Variants in CTSB observed in about 807,000 individuals in gnomAD.
CTSB encodes cathepsin B, also known as APP secretase.
CTSB carries 57 observed loss-of-function variants against 44.3 expected under a neutral mutation model. The ratio of observed to expected loss-of-function variants is 1.29; its 90% CI spans 1.04 to 1.60. The LOEUF (loss-of-function observed/expected upper bound fraction) is 1.60, where lower values mean the gene tolerates loss of function less well. Among genes scored for constraint, CTSB ranks in the 40% most tolerant of loss-of-function variants. CTSB has a pLI of 0.00. For missense variants in CTSB, 768 were observed against 443.0 expected (o/e 1.73, Z -6.59); for synonymous variants, 320 against 168.0 (o/e 1.91, Z -7.00).
intron 1 of CTSB, among the ~76,000 whole-genome samples, chr8:11,866,090 C>T (rs1817107006): frequency 6.6e-6 from 1 of 151,992 alleles, no homozygotes; most frequent in African/African-American, 2.4e-5. Flanking sequence ...CCAAGGCACC[C>T]CTGAAACGTG....
At chr8:11,852,568 C>G in intron 3 of CTSB, 42 bp downstream of exon 3, 1 of 1,545,798 alleles carries the variant, frequency 6.5e-7, no homozygotes, top group Non-Finnish European at 8.9e-7. Context: ...AAACCAACGC[C>G]TGCCACTCAC....
chr8:11,853,340 T>C lies in CTSB; in HGVS notation c.115A>G (p.Thr39Ala). 1 of 1,613,148 alleles carries C rather than the reference T, an allele frequency of 6.2e-7. No individual in the cohort carries two copies. Among genetic ancestry groups the C allele is most frequent in the Non-Finnish European group, 8.5e-7 (1 of 1,179,804 alleles). The change falls in exon 2 of 10, where the codon ACC (threonine) becomes GCC (alanine). Residue 39 changes from threonine (T) to alanine (A), a missense_variant. Coordinates refer to ENST00000353047, the MANE Select transcript of CTSB (RefSeq NM_001908.5). ...GCCCCACAGCCTACCTGCCACGTGG[T>C]ATTCCGTTTGTTGACATAGTTGACC... Reference protein sequence around the residue: ...ELVNYVNKRNTTWQAGHNFYN... With the variant: ...ELVNYVNKRNATWQAGHNFYN...
intron 1 of CTSB, among the ~76,000 whole-genome samples, chr8:11,866,069 T>G (rs1817103898): frequency 6.6e-6 from 1 of 150,640 alleles, no homozygotes; most frequent in Admixed American, 6.6e-5. Context: ...AGAAAATCAC[T>G]GACAGACATC....
Position 11,853,416 on chromosome 8 carries a change from C to T in CTSB, c.39G>A (p.Val13=). The change falls in exon 2 of 10, where the codon GTG becomes GTA. Residue 13 remains valine, a synonymous_variant. Coordinates refer to ENST00000353047, the MANE Select transcript of CTSB (RefSeq NM_001908.5). Reference sequence around the variant, plus strand: ...AGGGCCTGCTCCGGGCATTGGCCAACACCAGCAGGCAGCAGAGGGAGGCCC... The same window carrying T: ...AGGGCCTGCTCCGGGCATTGGCCAATACCAGCAGGCAGCAGAGGGAGGCCC... ...QLWASLCCLL[V]LANARSRPSF... 6.2e-7 allele frequency: 1 copy of T among 1,612,716 alleles called. No homozygotes were observed. Among genetic ancestry groups the T allele is most frequent in the South Asian group, 1.1e-5 (1 of 90,986 alleles).
In CTSB at chr8:11,847,680, G is replaced by T. The variant is rs770163803; in HGVS notation, c.675C>A (p.Tyr225Ter). ...YSPTYKQDKH[Y>*]GYNSYSVSNS... ...GTGGCCAGGCCCCAGGCCCCTTACC[G>T]TAGTGCTTGTCCTGTTTGTAGGTCG... Residue 225 changes from tyrosine (Y) to a stop codon, truncating the protein, a stop_gained and splice_region_variant, in exon 7 of 10, where the codon TAC (tyrosine) becomes TAA (stop). Transcript: ENST00000353047. LOFTEE classifies it high-confidence loss of function. The T allele has an allele frequency of 1.9e-6, 3 of 1,549,486 alleles. No homozygotes were observed. The highest frequency in any genetic ancestry group is 2.6e-6 in the Non-Finnish European group (3 of 1,151,448).
chr8:11,865,803 C>T (rs1266387021), intron 1 of CTSB, among the ~76,000 whole-genome samples: 2 of 146,116 alleles, frequency 1.4e-5, no homozygotes, highest in Non-Finnish European at 1.5e-5. Context: ...ATCAGGAGTT[C>T]GAAAACCAGC....
Position 11,845,131 on chromosome 8 carries a change from C to T in CTSB, c.1014G>A (p.Lys338=), listed in dbSNP as rs751359116. The T allele has an allele frequency of 2.5e-6, 4 of 1,612,204 alleles. No individual in the cohort carries two copies. Among genetic ancestry groups the T allele is most frequent in the Admixed American group, 3.3e-5 (2 of 60,024 alleles). Residue 338 remains lysine, a synonymous_variant, in exon 10 of 10, where the codon AAG becomes AAA. Transcript: ENST00000353047. ...GIPRTDQYWE[K]I ...ACGACAGGCCCACGGCAGATTAGAT[C>T]TTTTCCCAGTACTGATCGGTGCGTG...
At chr8:11,860,715 C>T (rs1230217613) in intron 1 of CTSB, among the ~76,000 whole-genome samples, 2 of 152,220 alleles carry the variant, frequency 1.3e-5, no homozygotes, top group Non-Finnish European at 2.9e-5. Context: ...TATAGGCCAG[C>T]AGAGCGGCTA....
At chr8:11,857,514 C>T (rs920024967) in intron 1 of CTSB, among the ~76,000 whole-genome samples, 4 of 152,082 alleles carry the variant, frequency 2.6e-5, no homozygotes, top group East Asian at 3.9e-4. Flanking sequence ...TAAGCCAAGT[C>T]GAGGATGGGA....
rs779638864 is a variant in CTSB at position 11,845,143 on chromosome 8, C to A, written c.1002G>T (p.Gln334His). 6.2e-7 allele frequency: 1 copy of A among 1,613,490 alleles called. No individual in the cohort carries two copies. The highest frequency in any genetic ancestry group is 1.1e-5 in the South Asian group (1 of 91,068). Reference protein sequence around the residue: ...EVVAGIPRTDQYWEKI With the variant: ...EVVAGIPRTDHYWEKI ...CGGCAGATTAGATCTTTTCCCAGTA[C>A]TGATCGGTGCGTGGAATTCCAGCCA... The change falls in exon 10 of 10, where the codon CAG (glutamine) becomes CAT (histidine). Residue 334 changes from glutamine (Q) to histidine (H), a missense_variant. By Grantham distance (24) the Gln-to-His change is conservative. Coordinates refer to ENST00000353047, the MANE Select transcript of CTSB (RefSeq NM_001908.5).
At chr8:11,866,229 A>G (rs1453537338) in intron 1 of CTSB, among the ~76,000 whole-genome samples, 1 of 152,138 alleles carries the variant, frequency 6.6e-6, no homozygotes, top group Non-Finnish European at 1.5e-5. Context: ...CCTGCCTACA[A>G]AAAGAGCCTC....
intron 3 of CTSB, among the ~76,000 whole-genome samples, chr8:11,851,823 C>A (rs1015004238): frequency 1.3e-5 from 2 of 152,040 alleles, no homozygotes; most frequent in African/African-American, 4.8e-5. Context: ...CCCGCCACCA[C>A]GCCTGGCAAA....
chr8:11,854,315 T>A (rs1204918393), intron 1 of CTSB, among the ~76,000 whole-genome samples: 1 of 152,084 alleles, frequency 6.6e-6, no homozygotes, highest in Non-Finnish European at 1.5e-5. Context: ...GTGTTCTACC[T>A]CCCACAGGTC....
At chr8:11,866,586 A>C (rs1159630992) in intron 1 of CTSB, among the ~76,000 whole-genome samples, 1 of 152,204 alleles carries the variant, frequency 6.6e-6, no homozygotes. Flanking sequence ...AGCCAACAAG[A>C]AACAGTTCTT....
At chr8:11,859,291 C>G (rs1816003216) in intron 1 of CTSB, among the ~76,000 whole-genome samples, 1 of 152,044 alleles carries the variant, frequency 6.6e-6, no homozygotes, top group Admixed American at 6.6e-5. Flanking sequence ...CCTTCCTCCC[C>G]CGGCAAACGG....
In CTSB at chr8:11,845,215, AAAG is replaced by A. The variant is rs773500991; in HGVS notation, c.927_929del (p.Phe310del). On this transcript the variant is annotated inframe_deletion, in exon 10 of 10. Coordinates refer to ENST00000353047, the MANE Select transcript of CTSB (RefSeq NM_001908.5). ...AGTGATCCTGTCCTCTGAGTATTTT[AAAG>A]AAGCCTGGGAATAAAAAGTAAGGTG... The A allele has an allele frequency of 1.2e-6, 2 of 1,612,710 alleles. No homozygotes were observed. The highest frequency in any genetic ancestry group is 1.1e-5 in the South Asian group (1 of 91,022).
intron 1 of CTSB, among the ~76,000 whole-genome samples, chr8:11,862,666 G>C (rs923245423): frequency 4.1e-4 from 63 of 152,348 alleles, no homozygotes; most frequent in African/African-American, 1.4e-3. Context: ...TCCAACCCTC[G>C]AATGGGAAAA....
chr8:11,847,283 G>T lies in CTSB; in HGVS notation c.677-115C>A, dbSNP rs540050977. 7.2e-5 allele frequency: 52 copies of T among 721,374 alleles called. 1 individual carries two copies. Among genetic ancestry groups the T allele is most frequent in the South Asian group, 7.0e-4 (44 of 62,540 alleles). The allele number at this position is 721,374 out of a possible 1,614,324, so 44.7% of individuals were successfully genotyped here. ...CTCCAGGGGAAGACTGCATCTAAGG[G>T]GACTTGCCCTGCCAGGGGAGCTCAA... On this transcript the variant is annotated intron_variant, in intron 7 of 9. Coordinates refer to ENST00000353047, the MANE Select transcript of CTSB (RefSeq NM_001908.5).
chr8:11,857,013 C>G (rs1815627651), intron 1 of CTSB, among the ~76,000 whole-genome samples: 1 of 152,164 alleles, frequency 6.6e-6, no homozygotes, highest in African/African-American at 2.4e-5. Flanking sequence ...TTCCTTCCCA[C>G]CAATGAGGCT....
Sources: allele counts gnomAD v4.1 joint callset (sites outside exome capture counted in the v4.1 genomes callset), GRCh38; gene constraint gnomAD v4.1.1; transcripts MANE v1.5; gene names NCBI Gene and HGNC (gene_info 2026-07-23, HGNC 2026-07-21).